DCDC2: variants seen among roughly 807,000 people sequenced by gnomAD.
The protein encoded by DCDC2 is doublecortin domain-containing protein 2.
A neutral mutation model predicts 50.2 loss-of-function variants in DCDC2; 40 were observed. That is an observed-to-expected ratio of 0.80 (90% CI 0.62 to 1.04). The LOEUF is 1.04. Among genes scored for constraint, DCDC2 ranks in the 50% least tolerant of loss-of-function variants. The pLI is 0.00. For missense variants in DCDC2, 570 were observed against 581.9 expected, an observed-to-expected ratio of 0.98 and a Z score of 0.21; for synonymous variants, 234 against 210.6, an observed-to-expected ratio of 1.11 and a Z score of -0.96.
intron 8 of DCDC2, among the ~76,000 whole-genome samples, chr6:24,181,664 C>A (rs1011329139): frequency 2.0e-5 from 3 of 151,916 alleles, no homozygotes; most frequent in Non-Finnish European, 4.4e-5. Flanking sequence ...CAAAACATTG[C>A]CAAAAGAAAA....
intron 2 of DCDC2, among the ~76,000 whole-genome samples, chr6:24,324,186 A>G (rs1759820266): frequency 2.0e-5 from 3 of 152,146 alleles, no homozygotes. Context: ...ATGTAGATAC[A>G]GAAGAATGCT....
chr6:24,211,204 G>T (rs1329350553), intron 7 of DCDC2, among the ~76,000 whole-genome samples: 2 of 152,200 alleles, frequency 1.3e-5, no homozygotes, highest in African/African-American at 4.8e-5. Flanking sequence ...AGAATGTAAG[G>T]AGCCAACAAC....
intron 8 of DCDC2, among the ~76,000 whole-genome samples, chr6:24,195,628 C>G (rs369569990): frequency 1.3e-4 from 20 of 152,250 alleles, no homozygotes; most frequent in African/African-American, 4.8e-4. Context: ...ATGTGCATTA[C>G]AAGATAATTA....
chr6:24,238,025 C>A (rs1379424771), intron 7 of DCDC2, among the ~76,000 whole-genome samples: 1 of 139,364 alleles, frequency 7.2e-6, no homozygotes, highest in Non-Finnish European at 1.5e-5. Flanking sequence ...AGCATCAACA[C>A]AATATACCCC....
At chr6:24,266,274 T>C (rs1279479427) in intron 7 of DCDC2, among the ~76,000 whole-genome samples, 1 of 152,096 alleles carries the variant, frequency 6.6e-6, no homozygotes, top group Non-Finnish European at 1.5e-5. Flanking sequence ...TCCCAGGACA[T>C]TGGTCTGGGC....
At chr6:24,283,884 TCTC>T (rs1434092387) in intron 6 of DCDC2, among the ~76,000 whole-genome samples, 2 of 152,248 alleles carry the variant, frequency 1.3e-5, no homozygotes, top group African/African-American at 4.8e-5. Context: ...CAGGGGTTAT[TCTC>T]CTCTACTCAA....
intron 4 of DCDC2, among the ~76,000 whole-genome samples, chr6:24,292,284 A>C (rs945346136): frequency 1.8e-4 from 28 of 152,136 alleles, no homozygotes; most frequent in African/African-American, 6.3e-4. Context: ...TTTCAGTATC[A>C]TCAAAAAGCT....
chr6:24,248,968 C>T (rs933243249), intron 7 of DCDC2, among the ~76,000 whole-genome samples: 10 of 152,088 alleles, frequency 6.6e-5, no homozygotes, highest in African/African-American at 2.4e-4. Flanking sequence ...CAGTGAGCAG[C>T]TTTAGTTTCT....
intron 8 of DCDC2, among the ~76,000 whole-genome samples, chr6:24,186,335 C>G (rs147360442): frequency 6.6e-6 from 1 of 152,140 alleles, no homozygotes; most frequent in East Asian, 1.9e-4. Context: ...TTTTATCTTC[C>G]CAACCTGTGG....
chr6:24,221,117 A>G (rs1467969340), intron 7 of DCDC2, among the ~76,000 whole-genome samples: 2 of 152,152 alleles, frequency 1.3e-5, no homozygotes, highest in African/African-American at 4.8e-5. Flanking sequence ...CAAAAGGGGT[A>G]CAGACCTTCT....
the DCDC2 span, among the ~76,000 whole-genome samples, chr6:24,371,451 A>G: frequency 6.6e-6 from 1 of 151,980 alleles, no homozygotes; most frequent in Non-Finnish European, 1.5e-5. Context: ...AAAAAAATAC[A>G]GAAAAAATTA....
At chr6:24,277,726 A>T (rs963217551) in intron 7 of DCDC2, among the ~76,000 whole-genome samples, 2 of 152,186 alleles carry the variant, frequency 1.3e-5, no homozygotes, top group African/African-American at 4.8e-5. Flanking sequence ...CACACAAATA[A>T]GAGACCAATA....
chr6:24,287,650 C>A (rs1299562724), intron 6 of DCDC2, among the ~76,000 whole-genome samples: 6 of 152,182 alleles, frequency 3.9e-5, no homozygotes, highest in Non-Finnish European at 7.3e-5. Context: ...CACGTCTGCC[C>A]CAACCATCTC....
intron 2 of DCDC2, among the ~76,000 whole-genome samples, chr6:24,316,904 TATA>T (rs1259496544): frequency 6.6e-6 from 1 of 151,250 alleles, no homozygotes; most frequent in African/African-American, 2.4e-5. Flanking sequence ...AGGAAAACAA[TATA>T]AGAGAAAAAT....
intron 7 of DCDC2, among the ~76,000 whole-genome samples, chr6:24,255,799 A>G (rs904846188): frequency 6.6e-6 from 1 of 152,220 alleles, no homozygotes; most frequent in African/African-American, 2.4e-5. Context: ...TTGAATTTTC[A>G]TACATGGCTT....
chr6:24,259,375 G>A (rs1053679278), intron 7 of DCDC2, among the ~76,000 whole-genome samples: 1 of 152,190 alleles, frequency 6.6e-6, no homozygotes, highest in Admixed American at 6.5e-5. Flanking sequence ...CTAAGTGATG[G>A]TCTTTAGAGT....
chr6:24,247,846 G>A (rs924294164), intron 7 of DCDC2, among the ~76,000 whole-genome samples: 3 of 152,094 alleles, frequency 2.0e-5, no homozygotes, highest in Admixed American at 6.6e-5. Context: ...AGGCTGAAGC[G>A]GGTGGATCAC....
chr6:24,237,464 G>A (rs758454096), intron 7 of DCDC2, among the ~76,000 whole-genome samples: 2 of 152,198 alleles, frequency 1.3e-5, no homozygotes, highest in Non-Finnish European at 2.9e-5. Context: ...TTTATACGCT[G>A]TTGGTGGGAA....
chr6:24,205,568 A>G (rs1185701049), intron 7 of DCDC2, among the ~76,000 whole-genome samples: 5 of 152,054 alleles, frequency 3.3e-5, no homozygotes, highest in African/African-American at 1.2e-4. Context: ...GAGTATTATA[A>G]AAAATGTTTT....
Sources: gnomAD v4.1 joint callset for allele counts (sites outside exome capture counted in the v4.1 genomes callset) on GRCh38, gnomAD v4.1.1 for gene constraint, MANE v1.5 for transcripts, NCBI Gene and HGNC (gene_info 2026-07-23, HGNC 2026-07-21) for gene names.